The following FRAS1 variants were observed in gnomAD, a reference collection of about 807,000 sequenced individuals.
FRAS1 encodes Fraser extracellular matrix complex subunit 1, also known as extracellular matrix organizing protein FRAS1.
In FRAS1, 290 loss-of-function variants were observed where a neutral mutation model predicts 435.2. That is an observed-to-expected ratio of 0.67 (90% CI 0.61 to 0.73). The LOEUF is 0.73. Ranked by LOEUF, FRAS1 falls within the 30% of genes least tolerant of loss-of-function variation. The pLI, the probability that FRAS1 is intolerant of heterozygous loss-of-function variation, is 0.00. For missense variants in FRAS1, 4,860 were observed against 5,001.5 expected (o/e 0.97, Z 0.85); for synonymous variants, 1,800 against 1,851.0 (o/e 0.97, Z 0.71).
intron 6 of FRAS1, among the ~76,000 whole-genome samples, chr4:78,260,190 T>A (rs1329842850): frequency 6.6e-6 from 1 of 151,804 alleles, no homozygotes; most frequent in Non-Finnish European, 1.5e-5. Context: ...ATGCGGGCTC[T>A]TTTTTGGTTC....
chr4:78,488,830 T>C (rs769953428), intron 58 of FRAS1, 45 bp from the exon 59 acceptor site: 3 of 1,561,848 alleles, frequency 1.9e-6, no homozygotes, highest in Admixed American at 3.5e-5. Flanking sequence ...ACAGCTTCCC[T>C]GTCTTCCACT....
At chr4:78,506,787 C>T (rs1470557036) in intron 61 of FRAS1, among the ~76,000 whole-genome samples, 1 of 152,162 alleles carries the variant, frequency 6.6e-6, no homozygotes, top group African/African-American at 2.4e-5. Flanking sequence ...GTGAGATGAA[C>T]CAGGTACCTC....
At chr4:78,277,099 T>C (rs1459176486) in intron 9 of FRAS1, among the ~76,000 whole-genome samples, 5 of 152,220 alleles carry the variant, frequency 3.3e-5, no homozygotes, top group African/African-American at 1.2e-4. Flanking sequence ...TCCGTGAGCA[T>C]GGGACCCTCC....
rs767182384 is a variant in FRAS1 at position 78,400,907 on chromosome 4, G to A, written c.4129+20G>A. 139 of 1,611,962 alleles carry A rather than the reference G, an allele frequency of 8.6e-5. 1 individual carries two copies. The Middle Eastern group carries it at 1.7e-3, about 19-fold the overall frequency. On this transcript the variant is annotated intron_variant, in intron 30 of 73. Coordinates refer to ENST00000512123, the MANE Select transcript of FRAS1 (RefSeq NM_025074.7). ...AGTTTGGTAACTATTTTTTCCTTTG[G>A]CGTGGTTTCATCGTTGCATTCAGCA...
chr4:78,318,740 G>A (rs370764788), intron 17 of FRAS1, 70 bp from the exon 18 acceptor site: 3 of 1,449,450 alleles, frequency 2.1e-6, no homozygotes, highest in East Asian at 4.6e-5. Flanking sequence ...AAGTGGGTTT[G>A]ATTTAATGAA....
intron 2 of FRAS1, among the ~76,000 whole-genome samples, chr4:78,091,978 CAAA>C (rs34804542): frequency 1.7e-4 from 14 of 83,724 alleles, no homozygotes; most frequent in Admixed American, 1.6e-4. Flanking sequence ...GAGACTGTCT[CAAA>C]AAAAAAAAAA....
intron 3 of FRAS1, among the ~76,000 whole-genome samples, chr4:78,242,261 T>C (rs11941234): frequency 0.3 from 46,260 of 152,028 alleles, 7,420 homozygotes; most frequent in Non-Finnish European, 0.33. Flanking sequence ...GGTGGTATGG[T>C]CATGTCAAGA....
chr4:78,123,275 T>A (rs1471905220), intron 2 of FRAS1, among the ~76,000 whole-genome samples: 2 of 152,200 alleles, frequency 1.3e-5, no homozygotes, highest in Non-Finnish European at 2.9e-5. Flanking sequence ...TTGTCAAAGA[T>A]CAGATGGTGG....
rs1288548201 is a variant in FRAS1 at position 78,413,001 on chromosome 4, G to A, written c.4341G>A (p.Leu1447=). 2 of 1,608,724 alleles carry A rather than the reference G, an allele frequency of 1.2e-6. No individual in the cohort carries two copies. Among genetic ancestry groups the A allele is most frequent in the South Asian group, 1.1e-5 (1 of 89,736 alleles). Residue 1447 remains leucine, a synonymous_variant, in exon 32 of 74, where the codon CTG becomes CTA. Transcript: ENST00000512123. The part of the protein sequence containing the change: ...VSSASNAQTR[L]ESHMFNIAIL... ...GTGCCTCCAATGCCCAGACCCGCCT[G>A]GAGAGCCACATGTTCAACATCGCGA...
intron 15 of FRAS1, among the ~76,000 whole-genome samples, chr4:78,313,172 A>G (rs1378873143): frequency 6.6e-5 from 10 of 152,190 alleles, no homozygotes; most frequent in Non-Finnish European, 1.5e-4. Context: ...TGGAAACCTC[A>G]GGAGGTTTTG....
At chr4:78,467,266 T>C (rs556964571) in intron 50 of FRAS1, among the ~76,000 whole-genome samples, 12 of 152,298 alleles carry the variant, frequency 7.9e-5, no homozygotes, top group African/African-American at 2.4e-4. Flanking sequence ...TTCTCCTCTC[T>C]CTCTCCATGG....
At chr4:78,152,852 T>C (rs1720728038) in intron 2 of FRAS1, among the ~76,000 whole-genome samples, 1 of 152,162 alleles carries the variant, frequency 6.6e-6, no homozygotes, top group Non-Finnish European at 1.5e-5. Flanking sequence ...GATATGATTA[T>C]AAATTGATAA....
intron 61 of FRAS1, among the ~76,000 whole-genome samples, chr4:78,503,098 G>C (rs10009727): frequency 0.33 from 50,014 of 152,044 alleles, 8,959 homozygotes; most frequent in South Asian, 0.52. Flanking sequence ...TTTTTGATGT[G>C]CTGCTGGATT....
chr4:78,313,878 C>T (rs1447658152), intron 15 of FRAS1, among the ~76,000 whole-genome samples: 1 of 152,186 alleles, frequency 6.6e-6, no homozygotes, highest in East Asian at 1.9e-4. Flanking sequence ...CCTTCACTTT[C>T]ATTTGGTCTA....
At chr4:78,478,164 A>C in intron 55 of FRAS1, 103 bp downstream of exon 55, 1 of 1,269,670 alleles carries the variant, frequency 7.9e-7, no homozygotes, top group Non-Finnish European at 1.1e-6. Context: ...CTTAACTCAC[A>C]TGTGTACTTT....
rs1739548292 is a variant in FRAS1, at chr4:78,057,959, C to T, written c.-51C>T. The T allele has an allele frequency of 1.3e-6, 2 of 1,577,806 alleles. No homozygotes were observed. The highest frequency in any genetic ancestry group is 1.7e-6 in the Non-Finnish European group (2 of 1,149,052). On this transcript the variant is annotated 5_prime_UTR_variant, in exon 1 of 74. Coordinates refer to ENST00000512123, the MANE Select transcript of FRAS1 (RefSeq NM_025074.7). This position sits in a 1 kb window ranked among gnomAD's most constrained non-coding sequence, Gnocchi z 4.2. The stretch of plus-strand genomic sequence containing the variant: ...CGGAGCCAGCGTTTTGGCGGAGCCG[C>T]TTCTTGGATGCTGAAGGCTGGGCTC...
At chr4:78,211,922 G>T (rs1290807813) in intron 2 of FRAS1, among the ~76,000 whole-genome samples, 1 of 151,982 alleles carries the variant, frequency 6.6e-6, no homozygotes, top group Non-Finnish European at 1.5e-5. Flanking sequence ...GCCTATTGTA[G>T]ATATTTTAGA....
At chr4:78,114,414 C>CCT (rs1742987268) in intron 2 of FRAS1, among the ~76,000 whole-genome samples, 1 of 152,066 alleles carries the variant, frequency 6.6e-6, no homozygotes, top group Non-Finnish European at 1.5e-5. Context: ...TATAAATTAC[C>CCT]TTGGGAAGTA....
chr4:78,089,336 G>A (rs546377953), intron 2 of FRAS1, among the ~76,000 whole-genome samples: 5 of 151,182 alleles, frequency 3.3e-5, no homozygotes, highest in Non-Finnish European at 7.4e-5. Flanking sequence ...GCTAAATGAC[G>A]AGTTAATGGG....
Sources: allele counts gnomAD v4.1 joint callset (sites outside exome capture counted in the v4.1 genomes callset), GRCh38; gene constraint gnomAD v4.1.1; non-coding constraint Gnocchi (gnomAD v3.1); transcripts MANE v1.5; gene names NCBI Gene and HGNC (gene_info 2026-07-23, HGNC 2026-07-21).